Variants in IFT56 observed in about 807,000 individuals in gnomAD.
IFT56 encodes intraflagellar transport protein 56.
At chr7:139,134,682 G>A in the IFT56 span, 1 of 1,613,478 alleles carries the variant, frequency 6.2e-7, no homozygotes, top group Non-Finnish European at 8.5e-7. Flanking sequence ...ACCTGCTGTA[G>A]GCAGAGGCGT....
At chr7:139,136,485 T>C in the IFT56 span, among the ~76,000 whole-genome samples, 1 of 152,234 alleles carries the variant, frequency 6.6e-6, no homozygotes, top group Non-Finnish European at 1.5e-5. Flanking sequence ...GGTCTCATTC[T>C]GTCACCCAGC....
At chr7:139,174,718 T>A in the IFT56 span, among the ~76,000 whole-genome samples, 1 of 152,072 alleles carries the variant, frequency 6.6e-6, no homozygotes, top group Non-Finnish European at 1.5e-5. Context: ...AACAGACATT[T>A]CTTAAAAGGA....
the IFT56 span, among the ~76,000 whole-genome samples, chr7:139,174,664 GA>G: frequency 3.3e-5 from 5 of 151,976 alleles, no homozygotes; most frequent in African/African-American, 9.7e-5. Context: ...AACTCAATAG[GA>G]AAAAAATCTA....
chr7:139,168,582 C>CA, the IFT56 span: 4,352 of 363,888 alleles, frequency 0.012, no homozygotes, highest in Non-Finnish European at 0.014. Context: ...AAAAAAAAAA[C>CA]AAAAAAAAAA....
chr7:139,170,203 A>C, the IFT56 span, among the ~76,000 whole-genome samples: 1 of 152,216 alleles, frequency 6.6e-6, no homozygotes, highest in Non-Finnish European at 1.5e-5. Flanking sequence ...AAGTAATGAG[A>C]TCAAAGCCAT....
At chr7:139,186,180 C>A in the IFT56 span, among the ~76,000 whole-genome samples, 1 of 152,172 alleles carries the variant, frequency 6.6e-6, no homozygotes, top group African/African-American at 2.4e-5. Flanking sequence ...GTAATCCCTG[C>A]ACTTTAGGAA....
chr7:139,185,382 G>T, the IFT56 span, among the ~76,000 whole-genome samples: 3 of 151,990 alleles, frequency 2.0e-5, no homozygotes, highest in African/African-American at 7.3e-5. Context: ...GAAACTAGGT[G>T]AAAGGTACAC....
At chr7:139,147,081 T>C in the IFT56 span, 48 of 1,600,468 alleles carry the variant, frequency 3.0e-5, no homozygotes, top group Non-Finnish European at 4.1e-5. Flanking sequence ...ATCACATAGA[T>C]ATTGATTTCT....
the IFT56 span, among the ~76,000 whole-genome samples, chr7:139,174,970 G>A: frequency 2.0e-5 from 3 of 151,816 alleles, no homozygotes; most frequent in African/African-American, 7.3e-5. Context: ...GCAGTGAGCC[G>A]AGGTCACACC....
the IFT56 span, among the ~76,000 whole-genome samples, chr7:139,177,874 A>C: frequency 6.6e-6 from 1 of 152,070 alleles, no homozygotes; most frequent in Non-Finnish European, 1.5e-5. Flanking sequence ...GAAAAGTGAT[A>C]ATGGAGACCA....
the IFT56 span, among the ~76,000 whole-genome samples, chr7:139,160,198 A>T: frequency 6.6e-6 from 1 of 152,238 alleles, no homozygotes; most frequent in Non-Finnish European, 1.5e-5. Context: ...AGAACAATCA[A>T]GAATTTAATG....
At chr7:139,148,092 C>A in the IFT56 span, 1 of 909,028 alleles carries the variant, frequency 1.1e-6, no homozygotes, top group Non-Finnish European at 1.7e-6. Context: ...TGCCCTCTTT[C>A]TTCATAAGGC....
chr7:139,168,421 C>A, the IFT56 span: 1 of 1,591,236 alleles, frequency 6.3e-7, no homozygotes, highest in Non-Finnish European at 8.6e-7. Context: ...CACTGATAAT[C>A]TATAGGTTGC....
the IFT56 span, chr7:139,147,028 A>G: frequency 6.5e-7 from 1 of 1,545,838 alleles, no homozygotes; most frequent in South Asian, 1.2e-5. Context: ...AATAGGAAGA[A>G]GAGAGAGACA....
At chr7:139,150,159 A>G in the IFT56 span, among the ~76,000 whole-genome samples, 1 of 152,228 alleles carries the variant, frequency 6.6e-6, no homozygotes, top group African/African-American at 2.4e-5. Flanking sequence ...ATATTAAATA[A>G]AATGCATTCT....
At chr7:139,168,328 T>C in the IFT56 span, 10 of 1,580,018 alleles carry the variant, frequency 6.3e-6, no homozygotes, top group Non-Finnish European at 7.8e-6. Flanking sequence ...TAATCAGTGT[T>C]ATTCCATGTT....
chr7:139,134,856 G>A, the IFT56 span: 1,387 of 1,542,110 alleles, frequency 9.0e-4, 1 homozygote, highest in Non-Finnish European at 1.1e-3. Context: ...ATGCTTGGGT[G>A]AATGCTGTTT....
chr7:139,142,234 G>A, the IFT56 span: 2 of 1,613,724 alleles, frequency 1.2e-6, no homozygotes, highest in Non-Finnish European at 1.7e-6. Flanking sequence ...TCTTTAATAA[G>A]CAGCTTGGAT....
At chr7:139,187,976 GT>G in the IFT56 span, among the ~76,000 whole-genome samples, 1 of 151,518 alleles carries the variant, frequency 6.6e-6, no homozygotes, top group African/African-American at 2.4e-5. Flanking sequence ...TAGGAATGGA[GT>G]AGATGTGGTT....
Sources: allele counts gnomAD v4.1 joint callset (sites outside exome capture counted in the v4.1 genomes callset), GRCh38; gene constraint gnomAD v4.1.1; transcripts MANE v1.5; gene names NCBI Gene and HGNC (gene_info 2026-07-23, HGNC 2026-07-21).